The following ITGAV variants were observed in gnomAD, a reference collection of about 807,000 sequenced individuals.
ITGAV encodes the protein integrin subunit alpha V.
A neutral mutation model predicts 143.8 loss-of-function variants in ITGAV; 76 were observed. The ratio of observed to expected loss-of-function variants is 0.53; its 90% CI spans 0.44 to 0.64. The LOEUF (loss-of-function observed/expected upper bound fraction) is 0.64, where lower values mean the gene tolerates loss of function less well. ITGAV is among the 30% of genes least tolerant of loss of function. ITGAV has a pLI of 0.00. For synonymous variants in ITGAV, 453 were observed against 446.7 expected (o/e 1.01, Z -0.18); for missense variants, 1,193 against 1,274.7 (o/e 0.94, Z 0.98).
At chr2:186,669,367 G>T (rs1487320430) in intron 25 of ITGAV, among the ~76,000 whole-genome samples, 1 of 152,138 alleles carries the variant, frequency 6.6e-6, no homozygotes, top group Non-Finnish European at 1.5e-5. Flanking sequence ...TCTAAGGAAA[G>T]GTGAAGAAAC....
At chr2:186,675,511 C>A in intron 26 of ITGAV, 93 bp from the exon 27 acceptor site, 1 of 805,524 alleles carries the variant, frequency 1.2e-6, no homozygotes, top group Non-Finnish European at 2.1e-6. Context: ...TCTCTTTGGC[C>A]ATCACACAAA....
At chr2:186,651,226 G>A (rs1462424880) in intron 14 of ITGAV, among the ~76,000 whole-genome samples, 1 of 152,096 alleles carries the variant, frequency 6.6e-6, no homozygotes, top group African/African-American at 2.4e-5. Context: ...TTTGCGATGG[G>A]TCAATTTAAT....
At chr2:186,656,726 T>A (rs1452996685) in intron 17 of ITGAV, among the ~76,000 whole-genome samples, 1 of 151,874 alleles carries the variant, frequency 6.6e-6, no homozygotes, top group East Asian at 1.9e-4. Flanking sequence ...AAAACTCCAG[T>A]GGCAAAAATC....
chr2:186,664,234 A>T (rs1043966989), intron 19 of ITGAV, among the ~76,000 whole-genome samples: 3 of 152,222 alleles, frequency 2.0e-5, no homozygotes, highest in Admixed American at 6.5e-5. Flanking sequence ...TACAAAGTAC[A>T]TGTAATTCAC....
intron 2 of ITGAV, among the ~76,000 whole-genome samples, chr2:186,614,414 AT>A (rs1687296471): frequency 6.6e-6 from 1 of 152,054 alleles, no homozygotes; most frequent in South Asian, 2.1e-4. Context: ...CTTAGTTCAT[AT>A]TACAAAAAGT....
intron 5 of ITGAV, among the ~76,000 whole-genome samples, chr2:186,631,089 G>A (rs1187359827): frequency 6.6e-6 from 1 of 152,116 alleles, no homozygotes; most frequent in Non-Finnish European, 1.5e-5. Flanking sequence ...TGGGAATGGA[G>A]GAAAGTAGAC....
At chr2:186,638,631 C>CGTGTGTGT (rs34535817) in intron 10 of ITGAV, among the ~76,000 whole-genome samples, 166 bp downstream of exon 10, 3,911 of 144,746 alleles carry the variant, frequency 0.027, 62 homozygotes, top group South Asian at 0.073. Context: ...CTCTTTTGAG[C>CGTGTGTGT]GTGTGTGTGT....
chr2:186,661,763 A>G (rs1688753053), intron 18 of ITGAV, among the ~76,000 whole-genome samples: 1 of 151,790 alleles, frequency 6.6e-6, no homozygotes, highest in African/African-American at 2.4e-5. Context: ...CGCCCGGCTA[A>G]TTTTTTGTAT....
At chr2:186,597,866 G>A (rs1423398878) in intron 1 of ITGAV, among the ~76,000 whole-genome samples, 5 of 152,136 alleles carry the variant, frequency 3.3e-5, no homozygotes, top group African/African-American at 4.8e-5. Context: ...CTGGTGATCC[G>A]AGTTGGACAG....
At chr2:186,664,884 T>C (rs1688845652) in intron 20 of ITGAV, among the ~76,000 whole-genome samples, 1 of 152,204 alleles carries the variant, frequency 6.6e-6, no homozygotes, top group Admixed American at 6.5e-5. Context: ...ATAAAGTGTC[T>C]AAGCCTGTCC....
Position 186,671,497 on chromosome 2 carries a change from TA to T in ITGAV, c.2706+1687del, listed in dbSNP as rs61764168. ...CATATCCTTCTCATGTCCTTAAAAGTAAAATTATGTCAGAGATCTTCCCTGA... is the reference window on the plus strand; with the variant it reads ...CATATCCTTCTCATGTCCTTAAAAGTAAATTATGTCAGAGATCTTCCCTGA... On this transcript the variant is annotated intron_variant, in intron 26 of 29. Transcript: ENST00000261023. Among the ~76,000 whole-genome samples, 551 of 152,196 alleles carry T rather than the reference TA, an allele frequency of 3.6e-3. 3 individuals are homozygous for T. The highest frequency in any genetic ancestry group is 0.012 in the African/African-American group (488 of 41,526).
intron 10 of ITGAV, 111 bp downstream of exon 10, chr2:186,638,576 A>T: frequency 1.3e-6 from 1 of 769,118 alleles, no homozygotes; most frequent in Non-Finnish European, 2.2e-6. Context: ...CATCAAATAG[A>T]TAATTCTTCC....
chr2:186,613,324 C>G (rs1372102958), intron 2 of ITGAV, among the ~76,000 whole-genome samples: 1 of 152,108 alleles, frequency 6.6e-6, no homozygotes, highest in African/African-American at 2.4e-5. Context: ...ACTGGAATTG[C>G]TCATGGAAGA....
chr2:186,651,499 A>G (rs1462247704), intron 14 of ITGAV, among the ~76,000 whole-genome samples: 4 of 152,230 alleles, frequency 2.6e-5, no homozygotes, highest in East Asian at 1.9e-4. Context: ...TGTTTCTTCT[A>G]TTAGAAATAT....
chr2:186,679,389 T>C lies in ITGAV; in HGVS notation c.*2097T>C, dbSNP rs202164247. On this transcript the variant is annotated 3_prime_UTR_variant, in exon 30 of 30. Coordinates refer to ENST00000261023, the MANE Select transcript of ITGAV (RefSeq NM_002210.5). ...CTTAAATTACCTTTATGAAATATAGTTTTGTATAATAGCATAGATTTTCCT... is the reference window on the plus strand; with the variant it reads ...CTTAAATTACCTTTATGAAATATAGCTTTGTATAATAGCATAGATTTTCCT... 4 of 151,952 alleles carry C rather than the reference T, an allele frequency of 2.6e-5. No homozygotes were observed. Among genetic ancestry groups the C allele is most frequent in the Non-Finnish European group, 4.4e-5 (3 of 67,852 alleles). The allele number at this position is 151,952 out of a possible 1,614,324, so 9.4% of individuals were successfully genotyped here.
intron 14 of ITGAV, among the ~76,000 whole-genome samples, chr2:186,651,570 A>G (rs1688431448): frequency 1.3e-5 from 2 of 152,010 alleles, no homozygotes; most frequent in African/African-American, 4.8e-5. Context: ...CATTCTTTGT[A>G]CTTTTTGGGT....
chr2:186,669,906 C>T, intron 26 of ITGAV, 92 bp downstream of exon 26: 1 of 838,168 alleles, frequency 1.2e-6, no homozygotes, highest in Non-Finnish European at 2.0e-6. Flanking sequence ...ATAACAACAG[C>T]TGTGCTTGAA....
At position 186,616,898 on chromosome 2, in the gene ITGAV, T is replaced by A. The variant is rs143094804; in HGVS notation, c.317-5441T>A. ...TAAATAAGCATACTTTATTGGATAT[T>A]TTTTTTCAAGCAAATTTGTTATAGG... On this transcript the variant is annotated intron_variant, in intron 2 of 29. Transcript: ENST00000261023. 2.3e-3 allele frequency among the ~76,000 whole-genome samples: 347 copies of A among 152,214 alleles called. 2 individuals are homozygous for A. Among genetic ancestry groups the A allele is most frequent in the African/African-American group, 7.7e-3 (319 of 41,550 alleles).
chr2:186,644,328 G>GT (rs1688189667), intron 12 of ITGAV, among the ~76,000 whole-genome samples: 2 of 150,530 alleles, frequency 1.3e-5, no homozygotes, highest in East Asian at 3.9e-4. Flanking sequence ...GTTTTGTTTT[G>GT]TTTTTTGTTT....
Sources: gnomAD v4.1 joint callset for allele counts (sites outside exome capture counted in the v4.1 genomes callset) on GRCh38, gnomAD v4.1.1 for gene constraint, MANE v1.5 for transcripts, NCBI Gene and HGNC (gene_info 2026-07-23, HGNC 2026-07-21) for gene names.